Variants in RETREG3 observed in about 807,000 individuals in gnomAD.
The protein encoded by RETREG3 is reticulophagy regulator 3.
RETREG3 carries 23 observed loss-of-function variants against 50.2 expected under a neutral mutation model. That is an observed-to-expected ratio of 0.46 (90% confidence interval 0.33 to 0.65). The LOEUF is 0.65. Among genes scored for constraint, RETREG3 ranks in the 30% least tolerant of loss-of-function variants. RETREG3 has a pLI of 0.02. For missense variants in RETREG3, 546 were observed against 598.0 expected (o/e 0.91, Z 0.91); for synonymous variants, 240 against 234.4 (o/e 1.02, Z -0.22).
rs2093108739 is a variant in RETREG3, at chr17:42,581,594, A to G, written c.*219T>C. ...GGAGAGAAGCCTCCCTTGGGGGAGC[A>G]CACTCTCACTTCAGTGACTGAGCTC... is the stretch of plus-strand genomic sequence containing the variant. On this transcript the variant is annotated 3_prime_UTR_variant, in exon 9 of 9. Transcript: ENST00000309428. 1 of 523,746 alleles carries G rather than the reference A, an allele frequency of 1.9e-6. No individual in the cohort carries two copies. The highest frequency in any genetic ancestry group is 1.9e-5 in the African/African-American group (1 of 52,370). The allele number at this position is 523,746 out of a possible 1,614,324, so 32.4% of individuals were successfully genotyped here. A position where few individuals can be genotyped will look rare whatever the true frequency, so the allele number is the denominator to read the frequency against.
Position 42,585,269 on chromosome 17 carries a change from G to T in RETREG3, c.590-7C>A. The T allele has an allele frequency of 1.2e-6, 2 of 1,611,460 alleles. No individual in the cohort carries two copies. Among genetic ancestry groups the T allele is most frequent in the Non-Finnish European group, 1.7e-6 (2 of 1,178,124 alleles). On this transcript the variant is annotated splice_region_variant and splice_polypyrimidine_tract_variant and intron_variant, in intron 5 of 8. Transcript: ENST00000309428. ...CACATCATGACAGTGACAACTGTGA[G>T]GAGGCATGGGAAACAGTGACAAAAT...
intron 1 of RETREG3, 21 bp downstream of exon 1, chr17:42,609,065 C>T: frequency 6.3e-7 from 1 of 1,599,054 alleles, no homozygotes; most frequent in Non-Finnish European, 8.5e-7. Context: ...CGGAGGGTTT[C>T]CGAGGGTCCA....
Position 42,594,989 on chromosome 17 carries a change from G to A in RETREG3, c.240-2827C>T, listed in dbSNP as rs181094705. Among the ~76,000 whole-genome samples the A allele has an allele frequency of 7.4e-4, 94 of 126,902 alleles. 2 individuals are homozygous for A. Among genetic ancestry groups the A allele is most frequent in the African/African-American group, 2.4e-3 (79 of 33,358 alleles). The allele number at this position is 126,902 out of a possible 152,430, so 83.3% of individuals were successfully genotyped here. ...TTTTTTTTTTTTTTTTTTTTGAGAC[G>A]GAGTTTCACTCTTGTTGCCCAGGCT... On this transcript the variant is annotated intron_variant, in intron 1 of 8. Transcript: ENST00000309428.
rs564007542 is a variant in RETREG3 at position 42,602,193 on chromosome 17, G to A, written c.239+6893C>T. On this transcript the variant is annotated intron_variant, in intron 1 of 8. Transcript: ENST00000309428. ...CAGCCAAGACATGGTGGTGCACGCC[G>A]GTAGTCCCAGCTACTTGGGAGGCTG... 8.6e-5 allele frequency among the ~76,000 whole-genome samples: 13 copies of A among 151,782 alleles called. No homozygotes were observed. The South Asian group carries it at 1.0e-3, about 12-fold the overall frequency.
At position 42,609,369 on chromosome 17, in the gene RETREG3, C is replaced by G. The variant is rs759238932; in HGVS notation, c.-45G>C. ...CATCCGGGGCCGTGGCCCGACAAGT[C>G]ACAATAACAGCAACTGCGCAGATGC... On this transcript the variant is annotated 5_prime_UTR_variant, in exon 1 of 9. Coordinates refer to ENST00000309428, the MANE Select transcript of RETREG3 (RefSeq NM_178126.4). 1 of 1,564,368 alleles carries G rather than the reference C, an allele frequency of 6.4e-7. No individual in the cohort carries two copies. The highest frequency in any genetic ancestry group is 8.6e-7 in the Non-Finnish European group (1 of 1,159,172).
chr17:42,593,528 T>C (rs2143396556), intron 1 of RETREG3, among the ~76,000 whole-genome samples: 1 of 151,486 alleles, frequency 6.6e-6, no homozygotes, highest in East Asian at 2.0e-4. Flanking sequence ...CGGGCGCCTG[T>C]AGTCCCAGCT....
chr17:42,597,941 T>G (rs1484829971), intron 1 of RETREG3, among the ~76,000 whole-genome samples: 1 of 149,036 alleles, frequency 6.7e-6, no homozygotes, highest in Non-Finnish European at 1.5e-5. Flanking sequence ...AGAAACGTTA[T>G]TTTATACCAC....
At position 42,603,488 on chromosome 17, in the gene RETREG3, A is replaced by C. The variant is rs149468399; in HGVS notation, c.239+5598T>G. On this transcript the variant is annotated intron_variant, in intron 1 of 8. Transcript: ENST00000309428. ...CAGTGACAGTTGTTGCTTGCAAAAA[A>C]ACCAGAAATGAAATCAGCTAGCTGC... Among the ~76,000 whole-genome samples the C allele has an allele frequency of 1.2e-3, 190 of 152,338 alleles. 4 individuals carry two copies. The highest frequency in any genetic ancestry group is 5.0e-3 in the South Asian group (24 of 4,826).
Position 42,592,781 on chromosome 17 carries a change from G to A in RETREG3, c.240-619C>T, listed in dbSNP as rs144556170. Among the ~76,000 whole-genome samples the A allele has an allele frequency of 4.9e-3, 738 of 152,146 alleles. 6 individuals are homozygous for A. The highest frequency in any genetic ancestry group is 6.5e-3 in the Non-Finnish European group (440 of 68,002). On this transcript the variant is annotated intron_variant, in intron 1 of 8. Coordinates refer to ENST00000309428, the MANE Select transcript of RETREG3 (RefSeq NM_178126.4). ...AGCCTGGCCAACATGGTGAAACTCC[G>A]TATCTACCAAAAATACAAAAATTAG...
At chr17:42,597,191 C>CTT (rs35711566) in intron 1 of RETREG3, among the ~76,000 whole-genome samples, 49 of 130,030 alleles carry the variant, frequency 3.8e-4, no homozygotes, top group South Asian at 7.4e-4. Context: ...TCTATTTTTT[C>CTT]TTTTTTTTTT....
intron 1 of RETREG3, among the ~76,000 whole-genome samples, chr17:42,596,359 C>CAA (rs60457978): frequency 1.5e-5 from 1 of 64,728 alleles, no homozygotes; most frequent in Non-Finnish European, 2.6e-5. Context: ...GACCCTTTCT[C>CAA]AAAAAAAAAA....
rs1401534664 is a variant in RETREG3, at chr17:42,592,057, T to A, written c.345A>T (p.Lys115Asn). Reference sequence around the variant, plus strand: ...TGTTCTAAATGCTACCAAACTCACCTTTTATTTCAGGCCAGATTTTGTTCT... The same window carrying A: ...TGTTCTAAATGCTACCAAACTCACCATTTATTTCAGGCCAGATTTTGTTCT... ...QWKNKIWPEI[K>N]VPRPDALDNE... The change falls in exon 2 of 9, where the codon AAA (lysine) becomes AAT (asparagine). Residue 115 changes from lysine (K) to asparagine (N), a missense_variant and splice_region_variant. By Grantham distance (94) the Lys-to-Asn change is moderately conservative. Transcript: ENST00000309428. The A allele has an allele frequency of 1.2e-6, 2 of 1,611,556 alleles. No homozygotes were observed. Among genetic ancestry groups the A allele is most frequent in the Admixed American group, 3.4e-5 (2 of 59,626 alleles).
chr17:42,597,048 T>A (rs1211949296), intron 1 of RETREG3, among the ~76,000 whole-genome samples: 1 of 151,878 alleles, frequency 6.6e-6, no homozygotes, highest in Non-Finnish European at 1.5e-5. Flanking sequence ...ATTTTTAAAT[T>A]TTTTAAATAG....
In RETREG3 at chr17:42,586,754, A is replaced by T. The variant is rs1260362297; in HGVS notation, c.504+11T>A. ...GGCCAGAGATGAAAGTGAAAAAGGG[A>T]AGAGTCTTACCTTGCCTGGGTTTTG... On this transcript the variant is annotated intron_variant, in intron 4 of 8. Coordinates refer to ENST00000309428, the MANE Select transcript of RETREG3 (RefSeq NM_178126.4). 1.9e-6 allele frequency: 3 copies of T among 1,612,946 alleles called. No individual in the cohort carries two copies. Among genetic ancestry groups the T allele is most frequent in the Non-Finnish European group, 1.7e-6 (2 of 1,179,208 alleles).
Position 42,580,038 on chromosome 17 carries a change from G to A in RETREG3, c.*1775C>T, listed in dbSNP as rs1312937652. The A allele has an allele frequency of 2.0e-5, 3 of 152,862 alleles. No individual in the cohort carries two copies. Among genetic ancestry groups the A allele is most frequent in the Non-Finnish European group, 4.4e-5 (3 of 68,100 alleles). 9.5% of individuals were successfully genotyped at this position (152,862 alleles called of 1,614,324 possible). On this transcript the variant is annotated 3_prime_UTR_variant, in exon 9 of 9. Transcript: ENST00000309428. ...AAAGGGTTAATGCAGAAGGAAAGAG[G>A]ACAGAAGCGTTTGGCTTGAGCTCTG...
intron 8 of RETREG3, 45 bp from the exon 9 acceptor site, chr17:42,582,315 C>T (rs752057058): frequency 6.5e-7 from 1 of 1,541,960 alleles, no homozygotes; most frequent in Non-Finnish European, 8.7e-7. Flanking sequence ...CTACCTGGCC[C>T]TCCTGTGCCC....
chr17:42,603,176 C>T (rs773203520), intron 1 of RETREG3, among the ~76,000 whole-genome samples: 1 of 152,040 alleles, frequency 6.6e-6, no homozygotes, highest in Non-Finnish European at 1.5e-5. Context: ...ATTCCAGAAC[C>T]AAACATAAAC....
chr17:42,604,837 A>T (rs1052649339), intron 1 of RETREG3, among the ~76,000 whole-genome samples: 1 of 152,128 alleles, frequency 6.6e-6, no homozygotes, highest in Non-Finnish European at 1.5e-5. Context: ...ATCTCAGAGT[A>T]CAAGTCAAAC....
chr17:42,590,298 G>A (rs1005649681), intron 2 of RETREG3, among the ~76,000 whole-genome samples: 32 of 152,118 alleles, frequency 2.1e-4, no homozygotes, highest in Non-Finnish European at 1.3e-4. Context: ...TTAAGCCCAG[G>A]GATTTGAGGT....
Sources: allele counts gnomAD v4.1 joint callset (sites outside exome capture counted in the v4.1 genomes callset), GRCh38; gene constraint gnomAD v4.1.1; transcripts MANE v1.5; gene names NCBI Gene and HGNC (gene_info 2026-07-23, HGNC 2026-07-21).